ARHGAP15: variants seen among roughly 807,000 people sequenced by gnomAD.
ARHGAP15 encodes the protein Rho GTPase activating protein 15, also known as rho GTPase-activating protein 15.
ARHGAP15 carries 51 observed loss-of-function variants against 63.7 expected under a neutral mutation model. The observed-to-expected ratio is 0.80, with a 90% CI of 0.64 to 1.01. The LOEUF is 1.01. Ranked by LOEUF, ARHGAP15 falls within the 50% of genes least tolerant of loss-of-function variation. ARHGAP15 has a pLI of 0.00. For missense variants in ARHGAP15, 560 were observed against 564.6 expected, an observed-to-expected ratio of 0.99 and a Z score of 0.08; for synonymous variants, 191 against 193.8, an observed-to-expected ratio of 0.99 and a Z score of 0.12.
At chr2:143,311,970 C>T (rs1683469031) in intron 6 of ARHGAP15, among the ~76,000 whole-genome samples, 1 of 151,954 alleles carries the variant, frequency 6.6e-6, no homozygotes, top group Non-Finnish European at 1.5e-5. Flanking sequence ...TTTTTTTTCC[C>T]TCTTCACCCT....
intron 6 of ARHGAP15, among the ~76,000 whole-genome samples, chr2:143,346,166 ACACACACTCT>A (rs1685264531): frequency 9.0e-6 from 1 of 111,422 alleles, no homozygotes; most frequent in African/African-American, 4.4e-5. Context: ...ACACACACAC[ACACACACTCT>A]CTCTCTCACA....
At chr2:143,673,758 G>GTGTGTATA (rs1553520615) in intron 12 of ARHGAP15, among the ~76,000 whole-genome samples, 17 of 22,120 alleles carry the variant, frequency 7.7e-4, no homozygotes, top group African/African-American at 1.3e-3. Flanking sequence ...GTGTGTGTGT[G>GTGTGTATA]TATATATATA....
intron 11 of ARHGAP15, among the ~76,000 whole-genome samples, chr2:143,573,562 G>T (rs1231455536): frequency 6.6e-6 from 1 of 151,694 alleles, no homozygotes; most frequent in East Asian, 1.9e-4. Context: ...CTGTGCAGTT[G>T]TTTAACAAGG....
intron 10 of ARHGAP15, among the ~76,000 whole-genome samples, chr2:143,547,913 AT>A (rs1695399439): frequency 6.6e-6 from 1 of 152,074 alleles, no homozygotes; most frequent in Non-Finnish European, 1.5e-5. Context: ...TCTCCCTACC[AT>A]CCCCCCACCC....
intron 13 of ARHGAP15, among the ~76,000 whole-genome samples, chr2:143,762,043 G>T (rs1231832786): frequency 6.6e-6 from 1 of 152,088 alleles, no homozygotes; most frequent in Non-Finnish European, 1.5e-5. Flanking sequence ...TTAAAACTAA[G>T]CAGTATAAAT....
intron 1 of ARHGAP15, 53 bp downstream of exon 1, chr2:143,129,519 A>C (rs889368108): frequency 4.6e-5 from 7 of 152,240 alleles, no homozygotes; most frequent in African/African-American, 1.7e-4. Flanking sequence ...CATGTTCGGC[A>C]GAGTTTCCTA....
chr2:143,504,033 T>C (rs1367126687), intron 9 of ARHGAP15, among the ~76,000 whole-genome samples: 4 of 152,168 alleles, frequency 2.6e-5, no homozygotes, highest in Admixed American at 2.6e-4. Context: ...GCTTTTATCA[T>C]TTTATGGTCT....
At chr2:143,156,102 A>G (rs1392893204) in intron 2 of ARHGAP15, among the ~76,000 whole-genome samples, 3 of 151,884 alleles carry the variant, frequency 2.0e-5, no homozygotes, top group African/African-American at 7.2e-5. Context: ...AATATACGAT[A>G]CTGGAAATTA....
At chr2:143,365,413 T>C (rs989893629) in intron 6 of ARHGAP15, among the ~76,000 whole-genome samples, 1 of 152,232 alleles carries the variant, frequency 6.6e-6, no homozygotes, top group African/African-American at 2.4e-5. Flanking sequence ...AGATTCCTGA[T>C]TCAGTTTCCT....
At chr2:143,242,818 A>G (rs1693913721) in intron 5 of ARHGAP15, among the ~76,000 whole-genome samples, 1 of 152,150 alleles carries the variant, frequency 6.6e-6, no homozygotes, top group Non-Finnish European at 1.5e-5. Context: ...ATTTTGCCCA[A>G]ATGAGAATAT....
chr2:143,622,781 T>TA lies in ARHGAP15; in HGVS notation c.1004-1326dup, dbSNP rs34925907. Among the ~76,000 whole-genome samples the TA allele has an allele frequency of 7.1e-3, 772 of 109,022 alleles. 18 individuals carry two copies. Among genetic ancestry groups the TA allele is most frequent in the African/African-American group, 0.025 (712 of 28,680 alleles). The allele number at this position is 109,022 out of a possible 152,430, so 71.5% of individuals were successfully genotyped here. On this transcript the variant is annotated intron_variant, in intron 11 of 13. Coordinates refer to ENST00000295095, the MANE Select transcript of ARHGAP15 (RefSeq NM_018460.4). The stretch of plus-strand genomic sequence containing the variant: ...CCTTAGAAACGATCGTTCATTTATT[T>TA]AAAAAAAAAAAAAAAAAAAAAAAAA...
In ARHGAP15 at chr2:143,338,847, A is replaced by G. The variant is rs553648826; in HGVS notation, c.474+88247A>G. Among the ~76,000 whole-genome samples the G allele has an allele frequency of 7.2e-5, 11 of 152,258 alleles. No individual in the cohort carries two copies. In the East Asian group the frequency reaches 1.7e-3, roughly 24 times the overall value. ...ATAGGTTGCTTACCCTTTACAAGCT[A>G]TTCAACCTTTCTAAATTTCAATTTG... On this transcript the variant is annotated intron_variant, in intron 6 of 13. Coordinates refer to ENST00000295095, the MANE Select transcript of ARHGAP15 (RefSeq NM_018460.4).
chr2:143,587,692 C>G (rs1351951726), intron 11 of ARHGAP15: 1 of 468,416 alleles, frequency 2.1e-6, no homozygotes, highest in Non-Finnish European at 4.4e-6. Context: ...ACAGTCGTTT[C>G]TGGAATACCA....
At chr2:143,472,457 C>T (rs1228081953) in intron 8 of ARHGAP15, among the ~76,000 whole-genome samples, 5 of 152,010 alleles carry the variant, frequency 3.3e-5, no homozygotes, top group African/African-American at 4.8e-5. Context: ...TCTCAACAGG[C>T]GATTCCTAGG....
At chr2:143,176,015 A>AT (rs1236374786) in intron 2 of ARHGAP15, among the ~76,000 whole-genome samples, 4 of 152,118 alleles carry the variant, frequency 2.6e-5, no homozygotes, top group African/African-American at 4.8e-5. Context: ...TCTAGAGACT[A>AT]TTTTTTTAAA....
At chr2:143,737,769 T>TA (rs1397594370) in intron 13 of ARHGAP15, among the ~76,000 whole-genome samples, 18 of 145,952 alleles carry the variant, frequency 1.2e-4, no homozygotes, top group African/African-American at 4.5e-4. Flanking sequence ...TTTATTTATT[T>TA]TTTGAGATGG....
chr2:143,357,850 T>C (rs1261415123), intron 6 of ARHGAP15, among the ~76,000 whole-genome samples: 1 of 152,238 alleles, frequency 6.6e-6, no homozygotes. Flanking sequence ...GAATAAAGTC[T>C]GTTAGATCTT....
At chr2:143,531,824 T>C (rs1404730719) in intron 10 of ARHGAP15, among the ~76,000 whole-genome samples, 1 of 152,242 alleles carries the variant, frequency 6.6e-6, no homozygotes. Flanking sequence ...TGATACTTCA[T>C]AGTCTGTATT....
intron 10 of ARHGAP15, among the ~76,000 whole-genome samples, chr2:143,522,490 A>C (rs1241274921): frequency 6.6e-6 from 1 of 152,152 alleles, no homozygotes; most frequent in African/African-American, 2.4e-5. Context: ...GAAAATATTA[A>C]AACACGGTTC....
Sources: gnomAD v4.1 joint callset for allele counts (sites outside exome capture counted in the v4.1 genomes callset) on GRCh38, gnomAD v4.1.1 for gene constraint, MANE v1.5 for transcripts, NCBI Gene and HGNC (gene_info 2026-07-23, HGNC 2026-07-21) for gene names.